The following MYO1F variants were observed in gnomAD, a reference collection of about 807,000 sequenced individuals.
MYO1F encodes the protein myosin IF, also known as unconventional myosin-If.
In MYO1F, 60 loss-of-function variants were observed where a neutral mutation model predicts 146.6. That is an observed-to-expected ratio of 0.41 (90% CI 0.33 to 0.51). MYO1F has a LOEUF of 0.51. MYO1F is among the 20% of genes least tolerant of loss of function. MYO1F has a pLI of 0.25. For missense variants in MYO1F, 1,274 were observed against 1,534.3 expected, an observed-to-expected ratio of 0.83 and a Z score of 2.83; for synonymous variants, 602 against 602.1, an observed-to-expected ratio of 1.00 and a Z score of 0.00.
intron 12 of MYO1F, 132 bp from the exon 13 acceptor site, chr19:8,545,868 G>A (rs1973327603): frequency 1.4e-6 from 1 of 733,334 alleles, no homozygotes; most frequent in African/African-American, 1.7e-5. Context: ...ACTCCTATGT[G>A]GGCAAGGCTG....
rs1029869542 is a variant in MYO1F at position 8,550,629 on chromosome 19, C to G, written c.837G>C (p.Gly279=). The G allele has an allele frequency of 6.2e-6, 10 of 1,614,176 alleles. No individual in the cohort carries two copies. The highest frequency in any genetic ancestry group is 8.5e-6 in the Non-Finnish European group (10 of 1,180,044). Residue 279 remains glycine, a synonymous_variant, in exon 9 of 28, where the codon GGG becomes GGC. Coordinates refer to ENST00000644032, the MANE Select transcript of MYO1F (RefSeq NM_012335.4). ...AACTGATGTTCCCCAGGTGCAAGAT[C>G]CCCGCCACGAGCTGCAGGACCAGCT... ...IQQLVLQLVA[G]ILHLGNISFC... is the part of the protein sequence containing the mutation.
chr19:8,548,427 A>G (rs1973463573), intron 10 of MYO1F, 110 bp from the exon 11 acceptor site: 3 of 975,442 alleles, frequency 3.1e-6, no homozygotes, highest in Admixed American at 3.9e-5. Flanking sequence ...ATGTCCCCTC[A>G]TGCCAGTTTC....
At chr19:8,526,739 C>CGCCGCGCGGGGAG (rs1461642181) in intron 23 of MYO1F, 50 bp downstream of exon 23, 1 of 1,550,588 alleles carries the variant, frequency 6.4e-7, no homozygotes, top group African/African-American at 1.4e-5. Context: ...GGAGAGGGTG[C>CGCCGCGCGGGGAG]GCCGCGCCGA....
chr19:8,526,137 G>C (rs57842422), intron 24 of MYO1F, among the ~76,000 whole-genome samples: 1 of 152,070 alleles, frequency 6.6e-6, no homozygotes, highest in Non-Finnish European at 1.5e-5. Flanking sequence ...GACCAGCCTG[G>C]CCAAGATGGT....
Position 8,544,442 on chromosome 19 carries a change from A to T in MYO1F, c.1379T>A (p.Val460Asp). 6.2e-7 allele frequency: 1 copy of T among 1,611,322 alleles called. No individual in the cohort carries two copies. Among genetic ancestry groups the T allele is most frequent in the Non-Finnish European group, 8.5e-7 (1 of 1,179,710 alleles). ...NKLSPPGIMSVLDDVCATMHA... is the reference protein window; with the variant it reads ...NKLSPPGIMSDLDDVCATMHA... ...CATGGTGGCGCACACGTCGTCCAAG[A>T]CGCTCATGATGCCTGGGGGGCTCTG... The change falls in exon 14 of 28, where the codon GTC becomes GAC. Residue 460 changes from valine to aspartate, a missense_variant. Transcript: ENST00000644032.
chr19:8,543,708 CTGGTGGTGGTGG>C (rs1568348543), intron 14 of MYO1F, among the ~76,000 whole-genome samples: 4 of 20,960 alleles, frequency 1.9e-4, no homozygotes, highest in Non-Finnish European at 3.8e-4. Context: ...GGTGGTGGTG[CTGGTGGTGGTGG>C]TGGTGCTGGT....
chr19:8,562,525 T>A (rs1974186272), intron 1 of MYO1F, among the ~76,000 whole-genome samples: 1 of 152,134 alleles, frequency 6.6e-6, no homozygotes, highest in Middle Eastern at 3.4e-3. Flanking sequence ...TTGTTTATTT[T>A]AAAAATTTAT....
chr19:8,563,294 CTT>C (rs938198498), intron 1 of MYO1F, among the ~76,000 whole-genome samples: 53 of 118,616 alleles, frequency 4.5e-4, no homozygotes, highest in Middle Eastern at 4.6e-3. Flanking sequence ...TGCTTGGCCA[CTT>C]TTTTTTTTTT....
In MYO1F at chr19:8,526,925, C is replaced by G; in HGVS notation, c.2485G>C (p.Asp829His). The G allele has an allele frequency of 1.2e-6, 2 of 1,613,994 alleles. No individual in the cohort carries two copies. The highest frequency in any genetic ancestry group is 1.7e-6 in the Non-Finnish European group (2 of 1,180,006). ...LRGVSLSTRQ[D>H]DFFILQEDAA... ...TCCTCTTGGAGGATGAAGAAGTCGT[C>G]CTGTCGCGTGCTGGGGAGGGGCGGG... The change falls in exon 23 of 28, where the codon GAC (aspartate) becomes CAC (histidine). Residue 829 changes from aspartate (D) to histidine (H), a missense_variant. By Grantham distance (81) the Asp-to-His change is moderately conservative (BLOSUM62 -1). Transcript: ENST00000644032.
Position 8,530,639 on chromosome 19 carries a change from T to G in MYO1F, c.2044-66A>C. 7.7e-7 allele frequency: 1 copy of G among 1,296,310 alleles called. No homozygotes were observed. The highest frequency in any genetic ancestry group is 1.1e-6 in the Non-Finnish European group (1 of 903,398). The allele number at this position is 1,296,310 out of a possible 1,614,324, so 80.3% of individuals were successfully genotyped here. On this transcript the variant is annotated intron_variant, in intron 19 of 27. Coordinates refer to ENST00000644032, the MANE Select transcript of MYO1F (RefSeq NM_012335.4). This position sits in a 1 kb window ranked among gnomAD's most constrained non-coding sequence, Gnocchi z 5.8. ...CTCCCCAGGGGCTGCAGTTCCGGGT[T>G]TTCCCTGCGCTCACCCTACTCACAC...
chr19:8,559,260 G>A (rs753741653), intron 1 of MYO1F, among the ~76,000 whole-genome samples: 3 of 146,936 alleles, frequency 2.0e-5, no homozygotes, highest in South Asian at 2.1e-4. Context: ...AAGTGTCCAC[G>A]TGGGCAACTG....
chr19:8,550,058 C>T (rs1454136087), intron 10 of MYO1F, 102 bp downstream of exon 10: 2 of 1,374,420 alleles, frequency 1.5e-6, no homozygotes, highest in Non-Finnish European at 2.0e-6. Flanking sequence ...ACTCAGCCAC[C>T]CAAAGCATTG....
intron 1 of MYO1F, among the ~76,000 whole-genome samples, chr19:8,556,615 C>T (rs1973869474): frequency 6.6e-6 from 1 of 152,020 alleles, no homozygotes; most frequent in Non-Finnish European, 1.5e-5. Flanking sequence ...GGGCCGGGCA[C>T]AGTGGCTCAT....
intron 12 of MYO1F, 59 bp from the exon 13 acceptor site, chr19:8,545,795 C>G (rs1973323461): frequency 8.4e-7 from 1 of 1,189,222 alleles, no homozygotes; most frequent in East Asian, 2.3e-5. Context: ...CCACCCTTCC[C>G]CCCATGTCCT....
chr19:8,525,734 C>A (rs1465548187), intron 24 of MYO1F, among the ~76,000 whole-genome samples, 172 bp from the exon 25 acceptor site: 2 of 152,122 alleles, frequency 1.3e-5, no homozygotes, highest in African/African-American at 4.8e-5. Flanking sequence ...GCCTCGCCCC[C>A]CAAGGGCCCA....
chr19:8,526,414 T>G (rs889230234), intron 24 of MYO1F, 39 bp downstream of exon 24: 29 of 1,547,998 alleles, frequency 1.9e-5, no homozygotes, highest in South Asian at 4.8e-5. Flanking sequence ...CCAGCCTCGC[T>G]GGCCCCGCCC....
At chr19:8,568,263 A>T (rs2042042048) in intron 1 of MYO1F, among the ~76,000 whole-genome samples, 1 of 151,830 alleles carries the variant, frequency 6.6e-6, no homozygotes, top group Non-Finnish European at 1.5e-5. Context: ...CTCTACTAAA[A>T]CTACAAAAAA....
At chr19:8,524,751 C>T (rs1481572901) in intron 25 of MYO1F, among the ~76,000 whole-genome samples, 1 of 152,062 alleles carries the variant, frequency 6.6e-6, no homozygotes, top group African/African-American at 2.4e-5. Context: ...GGGCAAGTTT[C>T]CCTCCTCCTA....
At chr19:8,543,915 G>GTGGTGGTGGTGGTGGTGGTGGTGGTGC (rs1973176384) in intron 14 of MYO1F, among the ~76,000 whole-genome samples, 1 of 89,564 alleles carries the variant, frequency 1.1e-5, no homozygotes. Flanking sequence ...GGTGGTGGTG[G>GTGGTGGTGGTGGTGGTGGTGGTGGTGC]TGGTGGTGGT....
Sources: allele counts gnomAD v4.1 joint callset (sites outside exome capture counted in the v4.1 genomes callset), GRCh38; gene constraint gnomAD v4.1.1; non-coding constraint Gnocchi (gnomAD v3.1); transcripts MANE v1.5; gene names NCBI Gene and HGNC (gene_info 2026-07-23, HGNC 2026-07-21).